Variants in EBF1 observed in about 807,000 individuals in gnomAD.
The protein encoded by EBF1 is EBF transcription factor 1, also known as transcription factor COE1.
A neutral mutation model predicts 68.4 loss-of-function variants in EBF1; 10 were observed. That is an observed-to-expected ratio of 0.15 (90% confidence interval 0.09 to 0.25). The LOEUF is 0.25. Among genes scored for constraint, EBF1 ranks in the 10% least tolerant of loss-of-function variants. EBF1 has a pLI of 1.00. For synonymous variants in EBF1, 298 were observed against 299.8 expected (o/e 0.99, Z 0.06); for missense variants, 509 against 794.4 (o/e 0.64, Z 4.32).
At chr5:159,072,924 A>G (rs570302597) in intron 6 of EBF1, among the ~76,000 whole-genome samples, 14 of 152,340 alleles carry the variant, frequency 9.2e-5, no homozygotes, top group Admixed American at 9.1e-4. Context: ...ATCTTGGTTC[A>G]CAGATCTCTT....
chr5:159,004,568 A>G (rs1304115112), intron 6 of EBF1, among the ~76,000 whole-genome samples: 1 of 151,964 alleles, frequency 6.6e-6, no homozygotes, highest in Non-Finnish European at 1.5e-5. Flanking sequence ...GTAGGTAGGT[A>G]GATAATCAAA....
intron 6 of EBF1, among the ~76,000 whole-genome samples, chr5:158,857,825 T>A (rs1345898881): frequency 6.6e-6 from 1 of 152,338 alleles, no homozygotes; most frequent in East Asian, 1.9e-4. Flanking sequence ...CTCTCTAGAA[T>A]TAGAGTACTT....
chr5:159,000,646 C>T (rs546427563), intron 6 of EBF1, among the ~76,000 whole-genome samples: 2 of 152,240 alleles, frequency 1.3e-5, no homozygotes, highest in African/African-American at 4.8e-5. Context: ...AAACCTGGGT[C>T]CACAACTATG....
In EBF1 at chr5:158,706,189, C is replaced by T. The variant is rs559371396; in HGVS notation, c.1744+1790G>A. Among the ~76,000 whole-genome samples the T allele has an allele frequency of 3.9e-3, 577 of 148,778 alleles. 3 individuals carry two copies. Among genetic ancestry groups the T allele is most frequent in the African/African-American group, 0.014 (553 of 40,690 alleles). On this transcript the variant is annotated intron_variant, in intron 15 of 15. Transcript: ENST00000313708. ...TGCCTGAAATGCAGTTGCACAGGCA[C>T]GCTTTTTTTTTTTTTTTCCTCTTTC...
At chr5:158,735,605 T>C (rs189128682) in intron 10 of EBF1, among the ~76,000 whole-genome samples, 1 of 152,184 alleles carries the variant, frequency 6.6e-6, no homozygotes, top group Non-Finnish European at 1.5e-5. Flanking sequence ...TATGATGTGA[T>C]ACTGGGGAAT....
At chr5:158,785,525 T>C (rs1386713802) in intron 9 of EBF1, among the ~76,000 whole-genome samples, 1 of 152,162 alleles carries the variant, frequency 6.6e-6, no homozygotes, top group African/African-American at 2.4e-5. Context: ...GATTCTTTCA[T>C]TCCCAAGAAT....
chr5:159,077,458 C>A (rs1279086921), intron 5 of EBF1, among the ~76,000 whole-genome samples: 2 of 152,054 alleles, frequency 1.3e-5, no homozygotes, highest in African/African-American at 4.8e-5. Context: ...AAAGAAATGA[C>A]TGCCCTAGAG....
chr5:158,801,104 C>T (rs956026217), intron 8 of EBF1, among the ~76,000 whole-genome samples: 2 of 151,892 alleles, frequency 1.3e-5, no homozygotes, highest in African/African-American at 2.4e-5. Context: ...TCACCAGCCA[C>T]GAAAGTAGAG....
intron 6 of EBF1, among the ~76,000 whole-genome samples, chr5:158,981,567 C>T (rs771000659): frequency 1.3e-4 from 20 of 152,124 alleles, no homozygotes; most frequent in Non-Finnish European, 2.6e-4. Context: ...TATTGTACAC[C>T]ACTGCCTAAT....
At chr5:159,023,220 C>T (rs1767066193) in intron 6 of EBF1, among the ~76,000 whole-genome samples, 1 of 150,782 alleles carries the variant, frequency 6.6e-6, no homozygotes, top group Non-Finnish European at 1.5e-5. Flanking sequence ...GTTTGTGAGA[C>T]TCATTTTATG....
intron 8 of EBF1, among the ~76,000 whole-genome samples, chr5:158,812,513 A>C (rs1256140294): frequency 2.0e-5 from 3 of 152,062 alleles, no homozygotes; most frequent in Non-Finnish European, 4.4e-5. Flanking sequence ...GACAGATGTT[A>C]AGGTTAGAAG....
chr5:158,979,762 C>T (rs1416417387), intron 6 of EBF1, among the ~76,000 whole-genome samples: 2 of 151,328 alleles, frequency 1.3e-5, no homozygotes, highest in African/African-American at 2.4e-5. Flanking sequence ...AATTGTTGCT[C>T]TTGAGATAAT....
At chr5:159,033,295 C>A (rs779308245) in intron 6 of EBF1, among the ~76,000 whole-genome samples, 1 of 152,204 alleles carries the variant, frequency 6.6e-6, no homozygotes, top group South Asian at 2.1e-4. Context: ...TACCATTAAT[C>A]GTAAGATTAG....
At chr5:158,951,811 A>G (rs1816069279) in intron 6 of EBF1, among the ~76,000 whole-genome samples, 1 of 152,216 alleles carries the variant, frequency 6.6e-6, no homozygotes, top group South Asian at 2.1e-4. Flanking sequence ...GTCAGAGACA[A>G]TGAGGAGCTT....
At chr5:158,891,955 C>A (rs1272897166) in intron 6 of EBF1, among the ~76,000 whole-genome samples, 1 of 152,048 alleles carries the variant, frequency 6.6e-6, no homozygotes, top group Non-Finnish European at 1.5e-5. Context: ...CACCTAAGAG[C>A]TCCCCTTGTT....
chr5:158,702,801 G>T (rs1019840708), intron 15 of EBF1, among the ~76,000 whole-genome samples: 8 of 151,492 alleles, frequency 5.3e-5, no homozygotes, highest in Non-Finnish European at 8.8e-5. Context: ...CAGGAACAGG[G>T]GGGTAAGTGA....
chr5:158,830,355 C>T (rs1329893537), intron 7 of EBF1, among the ~76,000 whole-genome samples: 1 of 152,174 alleles, frequency 6.6e-6, no homozygotes, highest in African/African-American at 2.4e-5. Context: ...ACAGCAACCT[C>T]TGCCACCCAG....
intron 6 of EBF1, among the ~76,000 whole-genome samples, chr5:158,968,693 A>G (rs1248397027): frequency 6.6e-6 from 1 of 152,258 alleles, no homozygotes; most frequent in African/African-American, 2.4e-5. Context: ...ATGCTGTGTA[A>G]ACATCAAAGG....
chr5:158,713,319 C>T (rs964523647), intron 12 of EBF1, among the ~76,000 whole-genome samples, 172 bp from the exon 13 acceptor site: 8 of 152,136 alleles, frequency 5.3e-5, no homozygotes, highest in African/African-American at 1.4e-4. Flanking sequence ...TGCCTGTATC[C>T]GAAATGGGGA....
Sources: allele counts gnomAD v4.1 joint callset (sites outside exome capture counted in the v4.1 genomes callset), GRCh38; gene constraint gnomAD v4.1.1; transcripts MANE v1.5; gene names NCBI Gene and HGNC (gene_info 2026-07-23, HGNC 2026-07-21).